TPX2: variants seen among roughly 807,000 people sequenced by gnomAD.
The protein encoded by TPX2 is targeting protein for Xklp2.
In TPX2, 21 loss-of-function variants were observed where a neutral mutation model predicts 93.6. The observed-to-expected ratio is 0.22, with a 90% CI of 0.16 to 0.32. The LOEUF (loss-of-function observed/expected upper bound fraction) is 0.32, where lower values mean the gene tolerates loss of function less well. Ranked by LOEUF, TPX2 falls within the 10% of genes least tolerant of loss-of-function variation. TPX2 has a pLI of 1.00. For missense variants in TPX2, 776 were observed against 871.1 expected (o/e 0.89, Z 1.37); for synonymous variants, 281 against 298.3 (o/e 0.94, Z 0.60).
chr20:31,757,120 T>G (rs1422866028), intron 2 of TPX2, among the ~76,000 whole-genome samples: 3 of 152,130 alleles, frequency 2.0e-5, no homozygotes, highest in African/African-American at 7.2e-5. Context: ...GTCTATGTTT[T>G]GTAGGCTGGA....
chr20:31,793,418 G>A (rs775020352), intron 13 of TPX2, among the ~76,000 whole-genome samples: 3 of 152,082 alleles, frequency 2.0e-5, no homozygotes, highest in East Asian at 1.9e-4. Context: ...ACTAAAATAC[G>A]CAGTAATCTT....
At chr20:31,747,480 A>ATCTG (rs1474885385) in intron 2 of TPX2, among the ~76,000 whole-genome samples, 6 of 151,534 alleles carry the variant, frequency 4.0e-5, no homozygotes, top group Non-Finnish European at 8.8e-5. Flanking sequence ...CTATCTATCT[A>ATCTG]TCGTTTTAGT....
At chr20:31,756,863 G>A (rs879599921) in intron 2 of TPX2, among the ~76,000 whole-genome samples, 9 of 152,072 alleles carry the variant, frequency 5.9e-5, no homozygotes, top group Non-Finnish European at 1.3e-4. Flanking sequence ...CTGACCTCAG[G>A]TGATCCACCC....
At chr20:31,750,046 TC>T (rs1410695831) in intron 2 of TPX2, among the ~76,000 whole-genome samples, 6 of 152,064 alleles carry the variant, frequency 3.9e-5, no homozygotes, top group African/African-American at 1.4e-4. Flanking sequence ...CAAGCTATTC[TC>T]CTGCCTCTGC....
chr20:31,780,212 CA>C (rs1239326666), intron 10 of TPX2, among the ~76,000 whole-genome samples: 9 of 152,036 alleles, frequency 5.9e-5, no homozygotes, highest in African/African-American at 2.2e-4. Flanking sequence ...CCACCATGCC[CA>C]GCTACTTTTT....
In TPX2 at chr20:31,801,031, C is replaced by G. The variant is rs761926162; in HGVS notation, c.2195C>G (p.Pro732Arg). ...QGLEIKSSDQ[P>R]LTVPVSPKFS... is the part of the protein sequence containing the mutation. ...CTGGAGATAAAGTCAAGTGACCAGC[C>G]TCTGACTGTGCCTGTATCTCCCAAA... Residue 732 changes from proline to arginine, a missense_variant, in exon 18 of 18, where the codon CCT (proline) becomes CGT (arginine). This residue lies in a region of TPX2 where 461 missense variants were observed against 551.2 expected (regional missense o/e 0.84). Transcript: ENST00000300403. 2 of 1,614,090 alleles carry G rather than the reference C, an allele frequency of 1.2e-6. No individual in the cohort carries two copies. The highest frequency in any genetic ancestry group is 1.3e-5 in the African/African-American group (1 of 74,930).
chr20:31,783,541 G>A lies in TPX2; in HGVS notation c.1197-164G>A, dbSNP rs568925528. Among the ~76,000 whole-genome samples, 10 of 152,244 alleles carry A rather than the reference G, an allele frequency of 6.6e-5. No homozygotes were observed. In the South Asian group the frequency reaches 1.7e-3, roughly 25 times the overall value. ...GCTGGGATTACGGGCATGAGCCACC[G>A]TGCCTGGCCCATTGTTTTTCGTTTT... is the stretch of plus-strand genomic sequence containing the variant. On this transcript the variant is annotated intron_variant, in intron 11 of 17. Coordinates refer to ENST00000300403, the MANE Select transcript of TPX2 (RefSeq NM_012112.5).
chr20:31,788,025 T>C (rs1240062260), intron 12 of TPX2, among the ~76,000 whole-genome samples: 1 of 152,212 alleles, frequency 6.6e-6, no homozygotes, highest in Admixed American at 6.5e-5. Flanking sequence ...AGCTTGACTT[T>C]TCTCCTTGGC....
intron 8 of TPX2, among the ~76,000 whole-genome samples, chr20:31,776,626 A>G (rs2062001741): frequency 6.6e-6 from 1 of 151,800 alleles, no homozygotes; most frequent in Non-Finnish European, 1.5e-5. Flanking sequence ...CCCGGGTTCA[A>G]GCAATTCTCC....
intron 12 of TPX2, among the ~76,000 whole-genome samples, chr20:31,791,837 A>AT (rs1164491466): frequency 1.3e-5 from 2 of 152,318 alleles, no homozygotes; most frequent in Admixed American, 6.5e-5. Context: ...TTTGTTCTTA[A>AT]TCGATCTGGC....
intron 3 of TPX2, among the ~76,000 whole-genome samples, chr20:31,759,551 C>A (rs2061875142): frequency 6.6e-6 from 1 of 152,018 alleles, no homozygotes; most frequent in Non-Finnish European, 1.5e-5. Context: ...AGGCATGTGC[C>A]ACCACGCCTG....
rs554193603 is a variant in TPX2 at position 31,752,644 on chromosome 20, C to T, written c.-70-4763C>T. 5.3e-5 allele frequency among the ~76,000 whole-genome samples: 8 copies of T among 152,012 alleles called. No individual in the cohort carries two copies. The Middle Eastern group carries it at 0.01, about 194-fold the overall frequency. ...TTTCTTTTTTTTTGAGACGGAGTCTCGCACTGTTGCCCAGGCTGGATGCGG... is the reference window on the plus strand; with the variant it reads ...TTTCTTTTTTTTTGAGACGGAGTCTTGCACTGTTGCCCAGGCTGGATGCGG... On this transcript the variant is annotated intron_variant, in intron 2 of 17. Coordinates refer to ENST00000300403, the MANE Select transcript of TPX2 (RefSeq NM_012112.5).
intron 17 of TPX2, 124 bp from the exon 18 acceptor site, chr20:31,800,846 C>G: frequency 1.2e-6 from 1 of 808,180 alleles, no homozygotes; most frequent in Non-Finnish European, 2.1e-6. Context: ...CTCCCCACAC[C>G]TGAAACTAGT....
In TPX2 at chr20:31,775,851, C is replaced by T; in HGVS notation, c.609-16C>T. 1 of 1,539,280 alleles carries T rather than the reference C, an allele frequency of 6.5e-7. No homozygotes were observed. The highest frequency in any genetic ancestry group is 8.7e-7 in the Non-Finnish European group (1 of 1,143,522). On this transcript the variant is annotated splice_polypyrimidine_tract_variant and intron_variant, in intron 7 of 17. Coordinates refer to ENST00000300403, the MANE Select transcript of TPX2 (RefSeq NM_012112.5). ...TTCTCCTCTCCTCTCTTCTCATTTA[C>T]TGATTTTCTCTTTAGGCAGAAGTTT...
chr20:31,796,592 A>G (rs2062140294), intron 15 of TPX2, among the ~76,000 whole-genome samples: 1 of 152,020 alleles, frequency 6.6e-6, no homozygotes, highest in Admixed American at 6.5e-5. Context: ...ATTTTCCACA[A>G]TCTGGATTTT....
At chr20:31,769,219 AAC>A (rs1260740366) in intron 5 of TPX2, among the ~76,000 whole-genome samples, 1 of 151,900 alleles carries the variant, frequency 6.6e-6, no homozygotes, top group African/African-American at 2.4e-5. Flanking sequence ...AAAAAAAAAA[AAC>A]CACAAAATTT....
At chr20:31,755,756 G>A (rs1188266897) in intron 2 of TPX2, among the ~76,000 whole-genome samples, 4 of 149,302 alleles carry the variant, frequency 2.7e-5, no homozygotes, top group African/African-American at 4.9e-5. Context: ...GTGAGACTCC[G>A]TCTCAAAAAA....
At chr20:31,757,768 A>G (rs1398851959) in intron 3 of TPX2, among the ~76,000 whole-genome samples, 186 bp downstream of exon 3, 1 of 152,246 alleles carries the variant, frequency 6.6e-6, no homozygotes, top group Non-Finnish European at 1.5e-5. Flanking sequence ...AATGGATTGT[A>G]AGTACAAAGC....
At chr20:31,763,490 T>C (rs1208152435) in intron 4 of TPX2, among the ~76,000 whole-genome samples, 1 of 152,068 alleles carries the variant, frequency 6.6e-6, no homozygotes, top group Non-Finnish European at 1.5e-5. Context: ...TGCTTATACA[T>C]TATTTATGGC....
Sources: gnomAD v4.1 joint callset for allele counts (sites outside exome capture counted in the v4.1 genomes callset) on GRCh38, gnomAD v4.1.1 for gene constraint, gnomAD v4.1.1 regional missense constraint, MANE v1.5 for transcripts, NCBI Gene and HGNC (gene_info 2026-07-23, HGNC 2026-07-21) for gene names.